The following AOAH variants were observed in gnomAD, a reference collection of about 807,000 sequenced individuals.
AOAH encodes the protein acyloxyacyl hydrolase (neutrophil).
Under a neutral mutation model 92.2 loss-of-function variants are expected in AOAH, and 64 were observed. The ratio of observed to expected loss-of-function variants is 0.69; its 90% CI spans 0.57 to 0.86. The LOEUF (loss-of-function observed/expected upper bound fraction) is 0.86. Ranked by LOEUF, AOAH falls within the 40% of genes least tolerant of loss-of-function variation. The pLI, the probability that AOAH is intolerant of heterozygous loss-of-function variation, is 0.00. For synonymous variants in AOAH, 263 were observed against 254.5 expected, an observed-to-expected ratio of 1.03 and a Z score of -0.32; for missense variants, 656 against 694.6, an observed-to-expected ratio of 0.94 and a Z score of 0.62.
chr7:36,613,914 C>T (rs2115924523), intron 11 of AOAH, among the ~76,000 whole-genome samples: 1 of 152,298 alleles, frequency 6.6e-6, no homozygotes, highest in East Asian at 1.9e-4. Context: ...GGATGTGTTT[C>T]CCCACTTGCT....
intron 3 of AOAH, among the ~76,000 whole-genome samples, chr7:36,660,308 TTTTG>T (rs201874294): frequency 3.1e-4 from 2 of 6,390 alleles, no homozygotes; most frequent in African/African-American, 1.3e-3. Flanking sequence ...GAACAGAGTC[TTTTG>T]TTTGTTTGTT....
At chr7:36,534,002 G>A (rs975938595) in intron 16 of AOAH, among the ~76,000 whole-genome samples, 11 of 152,288 alleles carry the variant, frequency 7.2e-5, no homozygotes, top group African/African-American at 2.4e-4. Flanking sequence ...GGGCCCTGGT[G>A]TGTCCCCTCC....
intron 1 of AOAH, among the ~76,000 whole-genome samples, chr7:36,717,727 A>ATTT (rs10624883): frequency 0.32 from 39,417 of 122,286 alleles, 6,805 homozygotes; most frequent in East Asian, 0.38. Context: ...TTCTCTTCTT[A>ATTT]TTTTTTTTTT....
intron 11 of AOAH, among the ~76,000 whole-genome samples, chr7:36,613,134 T>C (rs182202866): frequency 6.6e-6 from 1 of 152,296 alleles, no homozygotes; most frequent in Admixed American, 6.5e-5. Flanking sequence ...TTTCTGACTC[T>C]TTGAATGACT....
Position 36,724,208 on chromosome 7 carries a change from TG to T in AOAH, c.-61del. ...TTGGAAGCTCCCAACTGAGGGATGC[TG>T]GAGCTGAGGCTGCAGAATCAATTGA... On this transcript the variant is annotated 5_prime_UTR_variant, in exon 1 of 21. Transcript: ENST00000617537. 1 of 1,599,152 alleles carries T rather than the reference TG, an allele frequency of 6.3e-7. No homozygotes were observed. Among genetic ancestry groups the T allele is most frequent in the Non-Finnish European group, 8.5e-7 (1 of 1,170,704 alleles).
chr7:36,548,233 TGGA>T (rs756071233), intron 15 of AOAH, among the ~76,000 whole-genome samples: 58 of 152,342 alleles, frequency 3.8e-4, no homozygotes, highest in South Asian at 3.3e-3. Flanking sequence ...TCGCTCAGGC[TGGA>T]GTGCAGTGGC....
At position 36,721,834 on chromosome 7, in the gene AOAH, G is replaced by A. The variant is rs377697856; in HGVS notation, c.127+2188C>T. ...AGTCTGGGTGGAGGAACTTGTGAATGCTTTGAGCAATGGAAGATGGCAAGT... is the reference window on the plus strand; with the variant it reads ...AGTCTGGGTGGAGGAACTTGTGAATACTTTGAGCAATGGAAGATGGCAAGT... On this transcript the variant is annotated intron_variant, in intron 1 of 20. Coordinates refer to ENST00000617537, the MANE Select transcript of AOAH (RefSeq NM_001637.4). Among the ~76,000 whole-genome samples the A allele has an allele frequency of 2.9e-4, 44 of 152,312 alleles. 1 individual carries two copies. Among genetic ancestry groups the A allele is most frequent in the African/African-American group, 1.1e-3 (44 of 41,556 alleles).
chr7:36,535,097 T>TG lies in AOAH; in HGVS notation c.1307-2754_1307-2753insC, dbSNP rs1562543569. 2.2e-3 allele frequency among the ~76,000 whole-genome samples: 118 copies of TG among 53,324 alleles called. 2 individuals carry two copies. Among genetic ancestry groups the TG allele is most frequent in the East Asian group, 0.012 (12 of 1,014 alleles). The allele number at this position is 53,324 out of a possible 152,430, so 35.0% of individuals were successfully genotyped here. On this transcript the variant is annotated intron_variant, in intron 16 of 20. Coordinates refer to ENST00000617537, the MANE Select transcript of AOAH (RefSeq NM_001637.4). ...GTGTGTCTGTGTCTCTGTGTGTGTG[T>TG]TTGTGTGTGTCTGTGTCTGTGTGTG...
At chr7:36,618,372 C>A in intron 9 of AOAH, 27 bp from the exon 10 acceptor site, 1 of 1,612,280 alleles carries the variant, frequency 6.2e-7, no homozygotes, top group East Asian at 2.2e-5. Context: ...ATGTGATTAG[C>A]AGTTTGGTTT....
At chr7:36,704,141 A>G (rs749810834) in intron 1 of AOAH, among the ~76,000 whole-genome samples, 11 of 151,992 alleles carry the variant, frequency 7.2e-5, no homozygotes, top group Non-Finnish European at 1.3e-4. Context: ...TTGGCCGCAT[A>G]AATGTCTTCT....
chr7:36,541,308 C>A (rs1785409980), intron 15 of AOAH, among the ~76,000 whole-genome samples: 1 of 152,112 alleles, frequency 6.6e-6, no homozygotes, highest in South Asian at 2.1e-4. Context: ...ATTATATTTT[C>A]TCTTCTTATT....
intron 4 of AOAH, among the ~76,000 whole-genome samples, chr7:36,639,011 C>T (rs1215904055): frequency 6.6e-6 from 1 of 152,202 alleles, no homozygotes; most frequent in Non-Finnish European, 1.5e-5. Flanking sequence ...GATAGTCCCA[C>T]CCAGTGGGCA....
intron 6 of AOAH, among the ~76,000 whole-genome samples, chr7:36,625,858 T>C (rs2116143992): frequency 6.6e-6 from 1 of 152,320 alleles, no homozygotes; most frequent in South Asian, 2.1e-4. Context: ...ATCCTTGGGA[T>C]CCTTCCTGCT....
intron 1 of AOAH, among the ~76,000 whole-genome samples, chr7:36,713,028 C>A (rs1269891355): frequency 1.4e-5 from 2 of 142,360 alleles, no homozygotes; most frequent in Non-Finnish European, 3.1e-5. Context: ...TTAAAAGACA[C>A]AGACTGGCAA....
chr7:36,595,084 G>A (rs2718176), intron 11 of AOAH, among the ~76,000 whole-genome samples: 1,692 of 152,246 alleles, frequency 0.011, 35 homozygotes, highest in African/African-American at 0.037. Flanking sequence ...CATGGCTTGT[G>A]CAAAATCAGC....
intron 6 of AOAH, among the ~76,000 whole-genome samples, chr7:36,625,611 G>A (rs760074164): frequency 6.6e-6 from 1 of 152,132 alleles, no homozygotes; most frequent in Admixed American, 6.5e-5. Context: ...AATTAGAAAC[G>A]TTCTACTTGC....
At chr7:36,674,077 A>T (rs2116660628) in intron 2 of AOAH, 68 bp from the exon 3 acceptor site, 1 of 866,460 alleles carries the variant, frequency 1.2e-6, no homozygotes, top group African/African-American at 1.7e-5. Context: ...CTTAATAATG[A>T]TTATCTTTGC....
intron 6 of AOAH, among the ~76,000 whole-genome samples, chr7:36,625,345 C>T (rs1262852645): frequency 3.9e-5 from 6 of 152,186 alleles, no homozygotes; most frequent in Non-Finnish European, 1.5e-5. Context: ...CTCACCAGCT[C>T]GGCAATTCTC....
At chr7:36,639,469 T>C (rs1793749614) in intron 4 of AOAH, among the ~76,000 whole-genome samples, 4 of 152,144 alleles carry the variant, frequency 2.6e-5, no homozygotes, top group Admixed American at 2.6e-4. Flanking sequence ...CCTTGAGGCA[T>C]AGTAGGTGCT....
Sources: allele counts gnomAD v4.1 joint callset (sites outside exome capture counted in the v4.1 genomes callset), GRCh38; gene constraint gnomAD v4.1.1; transcripts MANE v1.5; gene names NCBI Gene and HGNC (gene_info 2026-07-23, HGNC 2026-07-21).